Variants in ARB2A observed in about 807,000 individuals in gnomAD.
ARB2A encodes the protein ARB2 cotranscriptional regulator A.
At chr5:93,808,232 G>A in the ARB2A span, among the ~76,000 whole-genome samples, 5 of 151,894 alleles carry the variant, frequency 3.3e-5, no homozygotes, top group Admixed American at 6.6e-5. Flanking sequence ...CCTGGGATCT[G>A]GAGTGCAGCA....
chr5:93,784,444 T>C, the ARB2A span: 1 of 1,613,498 alleles, frequency 6.2e-7, no homozygotes. Flanking sequence ...GTGAACAGAG[T>C]CTGTCAATGC....
chr5:93,718,629 T>G, the ARB2A span, among the ~76,000 whole-genome samples: 1 of 152,178 alleles, frequency 6.6e-6, no homozygotes, highest in Admixed American at 6.5e-5. Flanking sequence ...AAGGCCCTAA[T>G]ATATAATTTG....
chr5:94,022,962 G>A, the ARB2A span, among the ~76,000 whole-genome samples: 1 of 152,288 alleles, frequency 6.6e-6, no homozygotes, highest in East Asian at 1.9e-4. Context: ...ATACAAGTAT[G>A]ACCATACAAT....
chr5:93,684,983 A>C, the ARB2A span, among the ~76,000 whole-genome samples: 2 of 152,190 alleles, frequency 1.3e-5, no homozygotes, highest in Non-Finnish European at 2.9e-5. Flanking sequence ...TTCTAATTTA[A>C]AACTTCAGTT....
chr5:94,060,150 G>T, the ARB2A span, among the ~76,000 whole-genome samples: 1 of 152,104 alleles, frequency 6.6e-6, no homozygotes, highest in Non-Finnish European at 1.5e-5. Flanking sequence ...ACGAGGTTAG[G>T]AGTTTGAGAC....
chr5:93,816,851 A>C, the ARB2A span, among the ~76,000 whole-genome samples: 1 of 152,214 alleles, frequency 6.6e-6, no homozygotes, highest in Non-Finnish European at 1.5e-5. Flanking sequence ...ATCATACTTA[A>C]TGATGAAATA....
At chr5:93,781,083 A>G in the ARB2A span, among the ~76,000 whole-genome samples, 2 of 152,194 alleles carry the variant, frequency 1.3e-5, no homozygotes, top group African/African-American at 4.8e-5. Flanking sequence ...ACTGCATAGT[A>G]GTAAAGTCTG....
chr5:94,075,634 T>C, the ARB2A span, among the ~76,000 whole-genome samples: 1 of 152,158 alleles, frequency 6.6e-6, no homozygotes, highest in Admixed American at 6.5e-5. Flanking sequence ...TATAACAAGA[T>C]TGAATATTCC....
the ARB2A span, among the ~76,000 whole-genome samples, chr5:93,943,494 T>C: frequency 6.6e-6 from 1 of 152,124 alleles, no homozygotes; most frequent in Non-Finnish European, 1.5e-5. Context: ...ACTACATAAA[T>C]ATTAATTTTT....
the ARB2A span, among the ~76,000 whole-genome samples, chr5:93,798,682 T>A: frequency 6.6e-6 from 1 of 152,116 alleles, no homozygotes; most frequent in African/African-American, 2.4e-5. Flanking sequence ...AGAAAACAGA[T>A]AAAGTGACTT....
At chr5:93,800,381 TCACACACACACACA>T in the ARB2A span, among the ~76,000 whole-genome samples, 38 of 141,058 alleles carry the variant, frequency 2.7e-4, no homozygotes, top group Admixed American at 1.0e-3. Flanking sequence ...CTGCATATTT[TCACACACACACACA>T]CACACACACA....
chr5:93,834,624 CAT>C, the ARB2A span, among the ~76,000 whole-genome samples: 1 of 152,036 alleles, frequency 6.6e-6, no homozygotes, highest in Admixed American at 6.6e-5. Flanking sequence ...AAATGTTAAA[CAT>C]AGAAATTAAT....
At chr5:94,049,529 C>T in the ARB2A span, among the ~76,000 whole-genome samples, 1 of 151,170 alleles carries the variant, frequency 6.6e-6, no homozygotes, top group Non-Finnish European at 1.5e-5. Flanking sequence ...GAAACCCCAT[C>T]TCTACTAAAA....
At chr5:94,068,539 C>T in the ARB2A span, among the ~76,000 whole-genome samples, 1 of 152,280 alleles carries the variant, frequency 6.6e-6, no homozygotes, top group South Asian at 2.1e-4. Context: ...GTTGCCACTG[C>T]CAGTTCGAAT....
At chr5:94,068,717 T>C in the ARB2A span, among the ~76,000 whole-genome samples, 1 of 152,046 alleles carries the variant, frequency 6.6e-6, no homozygotes, top group South Asian at 2.1e-4. Context: ...TGTTTAAAAG[T>C]GGGTGCAGTC....
chr5:93,921,503 T>C, the ARB2A span, among the ~76,000 whole-genome samples: 1 of 152,182 alleles, frequency 6.6e-6, no homozygotes, highest in Non-Finnish European at 1.5e-5. Context: ...ACGGACATGT[T>C]CTCAGACGCC....
At chr5:93,862,353 C>T in the ARB2A span, 7 of 152,320 alleles carry the variant, frequency 4.6e-5, no homozygotes, top group East Asian at 1.9e-4. Context: ...CAATATACTA[C>T]AATCTGAACT....
the ARB2A span, among the ~76,000 whole-genome samples, chr5:93,843,307 A>G: frequency 6.6e-6 from 1 of 152,238 alleles, no homozygotes; most frequent in Non-Finnish European, 1.5e-5. Context: ...GTCCTGAACA[A>G]ATAGACACTT....
chr5:93,770,984 C>T, the ARB2A span, among the ~76,000 whole-genome samples: 1 of 152,036 alleles, frequency 6.6e-6, no homozygotes, highest in Admixed American at 6.5e-5. Flanking sequence ...AAAAAAGAGC[C>T]CACATCGCCA....
Sources: gnomAD v4.1 joint callset for allele counts (sites outside exome capture counted in the v4.1 genomes callset) on GRCh38, gnomAD v4.1.1 for gene constraint, MANE v1.5 for transcripts, NCBI Gene and HGNC (gene_info 2026-07-23, HGNC 2026-07-21) for gene names.